Variants in FSD1L observed in about 807,000 individuals in gnomAD.
The protein encoded by FSD1L is FSD1-like protein.
Under a neutral mutation model 71.6 loss-of-function variants are expected in FSD1L, and 45 were observed. That is an observed-to-expected ratio of 0.63 (90% CI 0.49 to 0.81). The LOEUF (loss-of-function observed/expected upper bound fraction) is 0.81. Ranked by LOEUF, FSD1L falls within the 30% of genes least tolerant of loss-of-function variation. FSD1L has a pLI of 0.00. For synonymous variants in FSD1L, 197 were observed against 207.2 expected, an observed-to-expected ratio of 0.95 and a Z score of 0.42; for missense variants, 561 against 618.1, an observed-to-expected ratio of 0.91 and a Z score of 0.98.
chr9:105,464,229 A>G lies in FSD1L; in HGVS notation c.112-7A>G. The G allele has an allele frequency of 7.0e-7, 1 of 1,424,162 alleles. No homozygotes were observed. Among genetic ancestry groups the G allele is most frequent in the Non-Finnish European group, 9.5e-7 (1 of 1,049,336 alleles). The allele number at this position is 1,424,162 out of a possible 1,614,324, so 88.2% of individuals were successfully genotyped here. A position where few individuals can be genotyped will look rare whatever the true frequency, so the allele number is the denominator to read the frequency against. On this transcript the variant is annotated splice_polypyrimidine_tract_variant and splice_region_variant and intron_variant, in intron 2 of 13. Coordinates refer to ENST00000481272, the MANE Select transcript of FSD1L (RefSeq NM_001145313.3). ...ATATAGTATTTTAATGCTTTTCTTA[A>G]TTCTAGGAAGCTCTACAGAGGATCA...
At chr9:105,463,120 A>G (rs1009167613) in intron 2 of FSD1L, among the ~76,000 whole-genome samples, 1 of 145,866 alleles carries the variant, frequency 6.9e-6, no homozygotes, top group African/African-American at 2.5e-5. Context: ...CCTGGGAGAC[A>G]ACAGCCAAAA....
chr9:105,538,853 T>C (rs143671951), intron 12 of FSD1L, among the ~76,000 whole-genome samples: 54 of 152,200 alleles, frequency 3.5e-4, no homozygotes, highest in African/African-American at 1.3e-3. Context: ...ATCAGGTAGA[T>C]AGAAGACAAG....
intron 10 of FSD1L, chr9:105,523,644 C>G (rs1319920589): frequency 1.9e-6 from 3 of 1,608,268 alleles, no homozygotes; most frequent in East Asian, 2.2e-5. Flanking sequence ...TACACCTTGG[C>G]TTTTTAAGGC....
In FSD1L at chr9:105,508,051, T is replaced by A. The variant is rs1834161209; in HGVS notation, c.797-566T>A. On this transcript the variant is annotated intron_variant, in intron 8 of 13. Coordinates refer to ENST00000481272, the MANE Select transcript of FSD1L (RefSeq NM_001145313.3). ...CGCCCGGCTAATTTTGTATTTTTAG[T>A]AGAGACGGGGTTTCTCCATGTTGGT... 2.0e-5 allele frequency among the ~76,000 whole-genome samples: 3 copies of A among 152,182 alleles called. No homozygotes were observed. The South Asian group carries it at 6.2e-4, about 32-fold the overall frequency.
At position 105,496,541 on chromosome 9, in the gene FSD1L, A is replaced by T. The variant is rs151057055; in HGVS notation, c.587-9858A>T. On this transcript the variant is annotated intron_variant, in intron 7 of 13. Transcript: ENST00000481272. ...TATCCATAAACATTGGAATGTCTCT[A>T]CATTGATTTAGTTCTTTGATTTCTT... is the stretch of plus-strand genomic sequence containing the variant. 2.0e-3 allele frequency among the ~76,000 whole-genome samples: 302 copies of T among 152,350 alleles called. 3 individuals are homozygous for T. Among genetic ancestry groups the T allele is most frequent in the African/African-American group, 6.9e-3 (286 of 41,572 alleles).
At chr9:105,529,144 A>G (rs893243341) in intron 10 of FSD1L, among the ~76,000 whole-genome samples, 3 of 152,220 alleles carry the variant, frequency 2.0e-5, no homozygotes, top group African/African-American at 7.2e-5. Context: ...GATGTGGAGA[A>G]ATAGGAACTG....
At chr9:105,537,813 C>T (rs1046055492) in intron 12 of FSD1L, among the ~76,000 whole-genome samples, 2 of 152,128 alleles carry the variant, frequency 1.3e-5, no homozygotes, top group Non-Finnish European at 2.9e-5. Context: ...CTATTAAGCC[C>T]TTATTGCCTG....
rs192639554 is a variant in FSD1L, at chr9:105,521,343, G to T, written c.1025+8407G>T. On this transcript the variant is annotated intron_variant, in intron 10 of 13. Coordinates refer to ENST00000481272, the MANE Select transcript of FSD1L (RefSeq NM_001145313.3). ...TAAAGCAGACAGAACTACAGAACCC[G>T]AACAGTCTCATTCCAATACAAGCAC... The T allele has an allele frequency of 9.9e-6, 16 of 1,613,978 alleles. No homozygotes were observed. In the African/African-American group the frequency reaches 1.5e-4, roughly 15 times the overall value.
intron 10 of FSD1L, chr9:105,523,715 T>C (rs538179188): frequency 1.9e-6 from 3 of 1,596,420 alleles, no homozygotes; most frequent in African/African-American, 1.3e-5. Flanking sequence ...TTATTGGTAA[T>C]ACAATGAAAA....
intron 7 of FSD1L, among the ~76,000 whole-genome samples, chr9:105,494,543 A>G (rs1833211525): frequency 6.6e-6 from 1 of 152,156 alleles, no homozygotes; most frequent in African/African-American, 2.4e-5. Context: ...ATTTCTGGTG[A>G]GGAGCTGCGT....
At chr9:105,448,295 G>C in intron 1 of FSD1L, 60 bp downstream of exon 1, 1 of 1,450,562 alleles carries the variant, frequency 6.9e-7, no homozygotes, top group African/African-American at 1.5e-5. Flanking sequence ...CAGGGTGGGC[G>C]GGGCGCCTGG....
intron 3 of FSD1L, 46 bp downstream of exon 3, chr9:105,464,377 G>A (rs919697367): frequency 5.8e-6 from 5 of 867,256 alleles, no homozygotes; most frequent in Non-Finnish European, 7.2e-6. Flanking sequence ...GTCACAATGA[G>A]CCAAATCTGA....
In FSD1L at chr9:105,471,989, C is replaced by A; in HGVS notation, c.425C>A (p.Pro142His). 2 of 1,436,516 alleles carry A rather than the reference C, an allele frequency of 1.4e-6. No individual in the cohort carries two copies. The highest frequency in any genetic ancestry group is 9.1e-7 in the Non-Finnish European group (1 of 1,095,578). The allele number at this position is 1,436,516 out of a possible 1,614,324, so 89.0% of individuals were successfully genotyped here. The stretch of plus-strand genomic sequence containing the variant: ...ACAAGGTCATTAGATATAAAGGAAC[C>A]TGAAGAATTTTCAAAGGTACACAAA... Reference protein sequence around the residue: ...FATRSLDIKEPEEFSKAARQI... With the variant: ...FATRSLDIKEHEEFSKAARQI... The change falls in exon 5 of 14, where the codon CCT (proline) becomes CAT (histidine). Residue 142 changes from proline (P) to histidine (H), a missense_variant. By Grantham distance (77) the Pro-to-His change is moderately conservative. This residue lies in a region of FSD1L where 410 missense variants were observed against 413.5 expected (regional missense o/e 0.99). Transcript: ENST00000481272.
chr9:105,492,484 T>G (rs906214308), intron 7 of FSD1L, among the ~76,000 whole-genome samples: 1 of 152,158 alleles, frequency 6.6e-6, no homozygotes, highest in African/African-American at 2.4e-5. Context: ...AGGGTTTTTT[T>G]GTGTCTCTAT....
rs943369868 is a variant in FSD1L at position 105,448,113 on chromosome 9, G to A, written c.-108G>A. ...GGGTGGGGCCGGGCGGTGCCGGTGC[G>A]GGCTGGGGCAGTGCAGTGAGTAGCG... is the stretch of plus-strand genomic sequence containing the variant. On this transcript the variant is annotated 5_prime_UTR_variant, in exon 1 of 14. Coordinates refer to ENST00000481272, the MANE Select transcript of FSD1L (RefSeq NM_001145313.3). The A allele has an allele frequency of 2.4e-6, 3 of 1,232,330 alleles. No individual in the cohort carries two copies. The highest frequency in any genetic ancestry group is 1.3e-5 in the South Asian group (1 of 77,066). The allele number at this position is 1,232,330 out of a possible 1,614,324, so 76.3% of individuals were successfully genotyped here.
chr9:105,545,592 T>A (rs531382658), intron 13 of FSD1L, among the ~76,000 whole-genome samples: 4 of 151,158 alleles, frequency 2.6e-5, no homozygotes, highest in African/African-American at 7.4e-5. Context: ...TTTTGAGATA[T>A]GTACCGTCAA....
At position 105,512,803 on chromosome 9, in the gene FSD1L, A is replaced by C; in HGVS notation, c.896-4A>C. Reference sequence around the variant, plus strand: ...AAAATATATTTAAATATTATCTTGAATAGCACTTAACTTCAATTTGGATAA... The same window carrying C: ...AAAATATATTTAAATATTATCTTGACTAGCACTTAACTTCAATTTGGATAA... On this transcript the variant is annotated splice_polypyrimidine_tract_variant and splice_region_variant and intron_variant, in intron 9 of 13. Coordinates refer to ENST00000481272, the MANE Select transcript of FSD1L (RefSeq NM_001145313.3). 6.9e-7 allele frequency: 1 copy of C among 1,456,370 alleles called. No individual in the cohort carries two copies. Among genetic ancestry groups the C allele is most frequent in the Non-Finnish European group, 9.2e-7 (1 of 1,087,336 alleles). 90.2% of individuals were successfully genotyped at this position (1,456,370 alleles called of 1,614,324 possible). A position where few individuals can be genotyped will look rare whatever the true frequency, so the allele number is the denominator to read the frequency against.
chr9:105,526,381 A>G lies in FSD1L; in HGVS notation c.1026-8112A>G. The G allele has an allele frequency of 3.1e-6, 5 of 1,613,220 alleles. No homozygotes were observed. In the Admixed American group the frequency reaches 5.0e-5, roughly 16 times the overall value. ...TTAAATATCAGTTCTGTTTATCTGA[A>G]GGCTCCTACCCAGAGATTCTACCCA... is the stretch of plus-strand genomic sequence containing the variant. On this transcript the variant is annotated intron_variant, in intron 10 of 13. Coordinates refer to ENST00000481272, the MANE Select transcript of FSD1L (RefSeq NM_001145313.3).
intron 2 of FSD1L, among the ~76,000 whole-genome samples, chr9:105,463,154 T>TAAAA (rs35129913): frequency 6.7e-6 from 1 of 149,812 alleles, no homozygotes. Context: ...AAAAAAAACT[T>TAAAA]AAAAAAAAAA....
Sources: allele counts gnomAD v4.1 joint callset (sites outside exome capture counted in the v4.1 genomes callset), GRCh38; gene constraint gnomAD v4.1.1; regional missense constraint gnomAD v4.1.1; transcripts MANE v1.5; gene names NCBI Gene and HGNC (gene_info 2026-07-23, HGNC 2026-07-21).